PTPRN2: variants seen among roughly 807,000 people sequenced by gnomAD.
The protein encoded by PTPRN2 is protein tyrosine phosphatase receptor type N2.
Under a neutral mutation model 118.8 loss-of-function variants are expected in PTPRN2, and 74 were observed. That is an observed-to-expected ratio of 0.62 (90% CI 0.52 to 0.76). The LOEUF (loss-of-function observed/expected upper bound fraction) is 0.76, where lower values mean the gene tolerates loss of function less well. Ranked by LOEUF, PTPRN2 falls within the 30% of genes least tolerant of loss-of-function variation. The pLI, the probability that PTPRN2 is intolerant of heterozygous loss-of-function variation, is 0.00. For synonymous variants in PTPRN2, 641 were observed against 608.0 expected (o/e 1.05, Z -0.80); for missense variants, 1,481 against 1,394.4 (o/e 1.06, Z -0.99).
intron 3 of PTPRN2, among the ~76,000 whole-genome samples, chr7:158,215,939 G>A (rs1356934871): frequency 2.0e-5 from 3 of 152,262 alleles, no homozygotes; most frequent in Admixed American, 1.3e-4. Flanking sequence ...AAGAATGCAA[G>A]AACATGGCAA....
rs1341528001 is a variant in PTPRN2, at chr7:158,450,998, G to A, written c.163+38737C>T. ...TGCTTCCAGGAACTCCCCGCCCCAC[G>A]TCGCAGCTGCACCTGGAGCTGGTGC... On this transcript the variant is annotated intron_variant, in intron 2 of 22. Coordinates refer to ENST00000389418, the MANE Select transcript of PTPRN2 (RefSeq NM_002847.5). Among the ~76,000 whole-genome samples the A allele has an allele frequency of 3.9e-5, 6 of 152,204 alleles. 1 individual carries two copies. Among genetic ancestry groups the A allele is most frequent in the Admixed American group, 2.0e-4 (3 of 15,270 alleles).
chr7:157,574,502 G>A, intron 19 of PTPRN2: 1 of 430,752 alleles, frequency 2.3e-6, no homozygotes, highest in Admixed American at 2.1e-5. Flanking sequence ...CAAGAAGGGA[G>A]AGAGTAATAA....
At chr7:158,292,214 A>G (rs1391672026) in intron 3 of PTPRN2, among the ~76,000 whole-genome samples, 1 of 152,178 alleles carries the variant, frequency 6.6e-6, no homozygotes, top group Non-Finnish European at 1.5e-5. Context: ...TGAGACATCT[A>G]ATTCTCCTGA....
intron 13 of PTPRN2, among the ~76,000 whole-genome samples, chr7:157,673,884 G>A (rs1796533052): frequency 6.6e-6 from 1 of 152,112 alleles, no homozygotes; most frequent in Non-Finnish European, 1.5e-5. Context: ...GTTCACACTG[G>A]GGAGTCCTTC....
intron 2 of PTPRN2, among the ~76,000 whole-genome samples, chr7:158,340,307 G>C (rs1313545499): frequency 6.1e-5 from 6 of 98,516 alleles, no homozygotes; most frequent in Admixed American, 5.2e-4. Flanking sequence ...CATAGGAGCT[G>C]ACACCCACAG....
intron 2 of PTPRN2, among the ~76,000 whole-genome samples, chr7:158,443,517 G>A (rs1350947197): frequency 1.3e-5 from 2 of 152,202 alleles, no homozygotes; most frequent in East Asian, 3.9e-4. Flanking sequence ...ATCCTGGGCT[G>A]CCCTGGCTAC....
chr7:158,116,730 AT>A, intron 9 of PTPRN2, among the ~76,000 whole-genome samples: 1 of 152,184 alleles, frequency 6.6e-6, no homozygotes. Flanking sequence ...GCTAACACCC[AT>A]TTTTCCCACC....
chr7:158,027,328 T>C (rs1432957803), intron 11 of PTPRN2: 1 of 152,222 alleles, frequency 6.6e-6, no homozygotes, highest in Non-Finnish European at 1.5e-5. Flanking sequence ...TGTGATCCTG[T>C]TTAAATAAAT....
chr7:158,208,731 G>C (rs983198489), intron 3 of PTPRN2, among the ~76,000 whole-genome samples: 10 of 151,996 alleles, frequency 6.6e-5, no homozygotes, highest in Admixed American at 6.5e-4. Flanking sequence ...ACTGGTAATA[G>C]TAAGTACACA....
intron 12 of PTPRN2, among the ~76,000 whole-genome samples, chr7:157,887,636 A>G (rs1425674372): frequency 7.8e-5 from 2 of 25,530 alleles, no homozygotes; most frequent in East Asian, 1.3e-3. Flanking sequence ...CAACCCCCAT[A>G]CCCACTCCCC....
At chr7:158,111,656 C>T (rs1434341574) in intron 9 of PTPRN2, among the ~76,000 whole-genome samples, 1 of 152,216 alleles carries the variant, frequency 6.6e-6, no homozygotes, top group East Asian at 1.9e-4. Flanking sequence ...CGCCTGCATT[C>T]CTCATCCAGT....
At chr7:158,104,643 AATCC>A (rs1348974047) in intron 10 of PTPRN2, among the ~76,000 whole-genome samples, 5 of 150,176 alleles carry the variant, frequency 3.3e-5, no homozygotes, top group Admixed American at 1.3e-4. Flanking sequence ...TCCATCCCAA[AATCC>A]ATCCCAGCTC....
Position 158,372,627 on chromosome 7 carries a change from G to GGAGCTGGTCCCCACCACGCTGGTCCCCA in PTPRN2, c.164-55696_164-55695insTGGGGACCAGCGTGGTGGGGACCAGCTC, listed in dbSNP as rs1810158928. On this transcript the variant is annotated intron_variant, in intron 2 of 22. Coordinates refer to ENST00000389418, the MANE Select transcript of PTPRN2 (RefSeq NM_002847.5). The stretch of plus-strand genomic sequence containing the variant: ...GCTGGTCCCCACCACGCTGGTCCCC[G>GGAGCTGGTCCCCACCACGCTGGTCCCCA]GAGCTGGTCCCCACCACGCTGGTTC... Among the ~76,000 whole-genome samples, 4 of 149,650 alleles carry GGAGCTGGTCCCCACCACGCTGGTCCCCA rather than the reference G, an allele frequency of 2.7e-5. 1 individual carries two copies. The highest frequency in any genetic ancestry group is 6.0e-5 in the Non-Finnish European group (4 of 67,058).
intron 12 of PTPRN2, among the ~76,000 whole-genome samples, chr7:157,826,212 G>A (rs571419543): frequency 4.8e-5 from 7 of 146,036 alleles, no homozygotes; most frequent in East Asian, 4.1e-4. Context: ...GCACGAACAC[G>A]ATCGTCACAA....
At chr7:158,556,950 CCACG>C (rs1827057699) in intron 1 of PTPRN2, among the ~76,000 whole-genome samples, 2 of 145,592 alleles carry the variant, frequency 1.4e-5, no homozygotes, top group Admixed American at 6.8e-5. Context: ...CAGGTCACTC[CCACG>C]CAGGTCAGGT....
intron 2 of PTPRN2, among the ~76,000 whole-genome samples, chr7:158,389,636 G>A (rs763672643): frequency 2.6e-5 from 4 of 152,244 alleles, no homozygotes; most frequent in East Asian, 1.9e-4. Context: ...AACGGCTGCC[G>A]CCGTCACAAA....
chr7:157,628,125 A>C (rs1803699892), intron 14 of PTPRN2, among the ~76,000 whole-genome samples: 1 of 152,238 alleles, frequency 6.6e-6, no homozygotes, highest in Non-Finnish European at 1.5e-5. Flanking sequence ...TGGAGGAAAC[A>C]GCCTCCATGT....
In PTPRN2 at chr7:157,615,010, C is replaced by T. The variant is rs1324449056; in HGVS notation, c.2344+6352G>A. ...TTAGTTATAACGGGGCTGCAGCTAC[C>T]TAGGAGAAGGCCCTTGTATTTAGGA... On this transcript the variant is annotated intron_variant, in intron 15 of 22. Transcript: ENST00000389418. This position sits in a 1 kb window ranked among gnomAD's most constrained non-coding sequence, Gnocchi z 4.3. Among the ~76,000 whole-genome samples the T allele has an allele frequency of 6.6e-6, 1 of 152,220 alleles. No individual in the cohort carries two copies. Among genetic ancestry groups the T allele is most frequent in the Admixed American group, 6.5e-5 (1 of 15,286 alleles).
intron 11 of PTPRN2, among the ~76,000 whole-genome samples, chr7:158,044,565 C>G (rs1047286664): frequency 6.6e-6 from 1 of 152,040 alleles, no homozygotes; most frequent in Non-Finnish European, 1.5e-5. Flanking sequence ...CAGGCAGGCA[C>G]AGAGAGCTCG....
Sources: allele counts gnomAD v4.1 joint callset (sites outside exome capture counted in the v4.1 genomes callset), GRCh38; gene constraint gnomAD v4.1.1; non-coding constraint Gnocchi (gnomAD v3.1); transcripts MANE v1.5; gene names NCBI Gene and HGNC (gene_info 2026-07-23, HGNC 2026-07-21).